The following ZBED6 variants were observed in gnomAD, a reference collection of about 807,000 sequenced individuals.
The protein encoded by ZBED6 is zinc finger BED-type containing 6.
A neutral mutation model predicts 58.4 loss-of-function variants in ZBED6; 40 were observed. The ratio of observed to expected loss-of-function variants is 0.68; its 90% CI spans 0.53 to 0.89. The LOEUF (loss-of-function observed/expected upper bound fraction) is 0.89, where lower values mean the gene tolerates loss of function less well. Among genes scored for constraint, ZBED6 ranks in the 40% least tolerant of loss-of-function variants. The probability of loss-of-function intolerance (pLI) is 0.00; values close to 1 mark genes in which losing one functional copy is unlikely to be tolerated. For missense variants in ZBED6, 1,057 were observed against 1,003.9 expected (o/e 1.05, Z -0.71); for synonymous variants, 439 against 350.6 (o/e 1.25, Z -2.82).
At chr1:203,850,562 T>C (rs1373457207) in exon 15 of ZBED6, 1 of 1,613,906 alleles carries the variant, frequency 6.2e-7, no homozygotes, top group East Asian at 2.2e-5. Context: ...AGTTGTGTCA[T>C]CCCCCAAATT....
intron 1 of ZBED6, among the ~76,000 whole-genome samples, chr1:203,808,852 A>G (rs1673274798): frequency 6.6e-6 from 1 of 151,946 alleles, no homozygotes; most frequent in Non-Finnish European, 1.5e-5. Context: ...TTTCTTGAGA[A>G]GGCGTTTTTC....
chr1:203,816,304 A>G (rs935424938), intron 1 of ZBED6, among the ~76,000 whole-genome samples: 11 of 152,178 alleles, frequency 7.2e-5, no homozygotes, highest in African/African-American at 2.7e-4. Flanking sequence ...AAAAATACAT[A>G]TATACATACA....
chr1:203,805,978 G>T, intron 1 of ZBED6: 4 of 594,232 alleles, frequency 6.7e-6, no homozygotes, highest in South Asian at 5.8e-5. Context: ...ATCCTTCAAT[G>T]ACTGGATGGT....
exon 1 of ZBED6, chr1:203,801,339 G>A (rs1249633032): frequency 6.6e-6 from 1 of 152,040 alleles, no homozygotes; most frequent in Non-Finnish European, 1.5e-5. Context: ...TTAACTGTGC[G>A]GTTGTTTTGG....
At chr1:203,844,707 A>T (rs1021983003) in intron 11 of ZBED6, among the ~76,000 whole-genome samples, 8 of 152,122 alleles carry the variant, frequency 5.3e-5, no homozygotes, top group Admixed American at 2.6e-4. Flanking sequence ...GTGTACTAAC[A>T]GGCAGCTTGT....
chr1:203,822,904 T>G (rs1284830488), intron 3 of ZBED6, among the ~76,000 whole-genome samples: 1 of 152,182 alleles, frequency 6.6e-6, no homozygotes, highest in Non-Finnish European at 1.5e-5. Flanking sequence ...TTGGACTGAA[T>G]TGTTAGAGTG....
chr1:203,834,202 A>G (rs1683431968), intron 9 of ZBED6: 1 of 457,192 alleles, frequency 2.2e-6, no homozygotes, highest in African/African-American at 2.1e-5. Context: ...AGAATACAGG[A>G]ATCCCTAAGA....
intron 1 of ZBED6, among the ~76,000 whole-genome samples, chr1:203,813,032 ATTTTT>A (rs1286458265): frequency 6.6e-6 from 1 of 151,828 alleles, no homozygotes; most frequent in Non-Finnish European, 1.5e-5. Context: ...TTGTTTTCTT[ATTTTT>A]GAGTTTCAAG....
chr1:203,831,761 C>T (rs1239910277), exon 8 of ZBED6: 2 of 1,611,414 alleles, frequency 1.2e-6, no homozygotes, highest in East Asian at 2.2e-5. Flanking sequence ...TAACTCTCTC[C>T]ACCAAACAAG....
exon 17 of ZBED6, chr1:203,852,917 A>C (rs890731907): frequency 1.2e-5 from 2 of 164,364 alleles, no homozygotes; most frequent in African/African-American, 4.8e-5. Context: ...TAAAGATTCA[A>C]CTAAGCTTTA....
rs770480012 is a variant in ZBED6 at position 203,798,403 on chromosome 1, G to A, written c.881G>A (p.Arg294Gln). 4.1e-5 allele frequency: 63 copies of A among 1,533,210 alleles called. 1 individual carries two copies. Among genetic ancestry groups the A allele is most frequent in the Non-Finnish European group, 5.3e-5 (61 of 1,144,376 alleles). The allele number at this position is 1,533,210 out of a possible 1,614,324, so 95.0% of individuals were successfully genotyped here. Residue 294 changes from arginine to glutamine, a missense_variant, in exon 1 of 17, where the codon CGG becomes CAG. Arg to Gln is a conservative substitution (Grantham distance 43). Coordinates refer to ENST00000550078, the Ensembl canonical transcript of ZBED6. ...AATATATGTAAAAGAAGTGTGAGCC[G>A]GGGTAGGCCAGGGTCCCACTTAGGG...
At chr1:203,843,597 A>G (rs2103322862) in intron 11 of ZBED6, among the ~76,000 whole-genome samples, 1 of 152,352 alleles carries the variant, frequency 6.6e-6, no homozygotes, top group South Asian at 2.1e-4. Context: ...CCATTGTAGA[A>G]TGAAAGCAGC....
In ZBED6 at chr1:203,824,125, G is replaced by A. The variant is rs115452042; in HGVS notation, c.*2874-4174G>A. 7.1e-3 allele frequency among the ~76,000 whole-genome samples: 1,082 copies of A among 151,888 alleles called. 20 individuals carry two copies. The highest frequency in any genetic ancestry group is 0.025 in the African/African-American group (1,040 of 41,422). ...TCTACTCAAATTACAAAAATTAGTC[G>A]GGCGTGGTGACGCAGCCATGTAGTC... On this transcript the variant is annotated intron_variant, in intron 3 of 16. Transcript: ENST00000550078.
At chr1:203,800,165 T>G in exon 1 of ZBED6, 1 of 1,532,752 alleles carries the variant, frequency 6.5e-7, no homozygotes, top group Admixed American at 2.0e-5. Flanking sequence ...TCTCAGGAGG[T>G]GATGACCCTT....
intron 3 of ZBED6, 71 bp from the exon 4 acceptor site, chr1:203,828,228 G>A: frequency 2.5e-6 from 4 of 1,584,926 alleles, no homozygotes. Flanking sequence ...ACTTTGTCTA[G>A]AAAACAAACT....
chr1:203,842,415 G>A (rs919793106), intron 11 of ZBED6, among the ~76,000 whole-genome samples: 6 of 152,158 alleles, frequency 3.9e-5, no homozygotes, highest in Admixed American at 2.0e-4. Context: ...CGGCCAACAC[G>A]GCGAAACCCC....
intron 1 of ZBED6, among the ~76,000 whole-genome samples, chr1:203,815,222 T>TTTTTC (rs1675929032): frequency 7.4e-6 from 1 of 135,074 alleles, no homozygotes; most frequent in Non-Finnish European, 1.6e-5. Flanking sequence ...TTTTCTTTTT[T>TTTTTC]TTTTTTTTTT....
intron 13 of ZBED6, 98 bp from the exon 14 acceptor site, chr1:203,849,613 G>T: frequency 8.7e-7 from 1 of 1,145,614 alleles, no homozygotes; most frequent in Middle Eastern, 2.1e-4. Flanking sequence ...TCTGGATCAT[G>T]TGAGATTCTG....
At chr1:203,811,448 T>TA (rs1437220363) in intron 1 of ZBED6, among the ~76,000 whole-genome samples, 3 of 152,236 alleles carry the variant, frequency 2.0e-5, no homozygotes, top group Admixed American at 1.3e-4. Context: ...CAGTTTCAAA[T>TA]ATGTTCTTTG....
Sources: gnomAD v4.1 joint callset for allele counts (sites outside exome capture counted in the v4.1 genomes callset) on GRCh38, gnomAD v4.1.1 for gene constraint, MANE v1.5 for transcripts, NCBI Gene and HGNC (gene_info 2026-07-23, HGNC 2026-07-21) for gene names.